The following CNST variants were observed in gnomAD, a reference collection of about 807,000 sequenced individuals.
The protein encoded by CNST is consortin.
A neutral mutation model predicts 72.4 loss-of-function variants in CNST; 39 were observed. The observed-to-expected ratio is 0.54, with a 90% CI of 0.42 to 0.70. The LOEUF (loss-of-function observed/expected upper bound fraction) is 0.70. Among genes scored for constraint, CNST ranks in the 30% least tolerant of loss-of-function variants. The pLI is 0.00. For missense variants in CNST, 871 were observed against 868.5 expected (o/e 1.00, Z -0.04); for synonymous variants, 332 against 320.1 (o/e 1.04, Z -0.40).
chr1:246,648,249 G>C (rs1558590294), intron 9 of CNST: 1 of 1,319,978 alleles, frequency 7.6e-7, no homozygotes, highest in East Asian at 3.1e-5. Flanking sequence ...ACTACAAGAT[G>C]TTCTATTGCA....
intron 10 of CNST, among the ~76,000 whole-genome samples, chr1:246,663,244 C>G (rs1667209265): frequency 6.6e-6 from 1 of 151,168 alleles, no homozygotes; most frequent in African/African-American, 2.4e-5. Context: ...TTGGTCCCAG[C>G]TACTTGGGAG....
chr1:246,663,829 T>A (rs1667241607), intron 10 of CNST, among the ~76,000 whole-genome samples: 1 of 152,222 alleles, frequency 6.6e-6, no homozygotes, highest in East Asian at 1.9e-4. Flanking sequence ...ATCATACGTG[T>A]TTGATCTGAA....
At chr1:246,570,236 T>C (rs139616762) in intron 1 of CNST, among the ~76,000 whole-genome samples, 154 of 152,336 alleles carry the variant, frequency 1.0e-3, no homozygotes, top group African/African-American at 3.4e-3. Flanking sequence ...CAAGTTGTTT[T>C]TGCAACAAGG....
intron 2 of CNST, among the ~76,000 whole-genome samples, chr1:246,615,563 C>A (rs1663631106): frequency 6.6e-6 from 1 of 150,742 alleles, no homozygotes; most frequent in South Asian, 2.1e-4. Context: ...GAGTTCAAAT[C>A]CAGCCTGGGT....
chr1:246,634,732 T>C (rs573403991), intron 6 of CNST, 145 bp downstream of exon 6: 1 of 600,164 alleles, frequency 1.7e-6, no homozygotes, highest in Non-Finnish European at 2.9e-6. Flanking sequence ...GCTCTAGTAT[T>C]GGTTCGAACC....
At chr1:246,635,206 T>C (rs1312932100) in intron 6 of CNST, among the ~76,000 whole-genome samples, 1 of 151,846 alleles carries the variant, frequency 6.6e-6, no homozygotes, top group African/African-American at 2.4e-5. Context: ...CGTGGGCACC[T>C]CGGAAAAAAA....
intron 2 of CNST, among the ~76,000 whole-genome samples, chr1:246,620,739 C>T (rs565384345): frequency 2.3e-5 from 3 of 128,520 alleles, no homozygotes; most frequent in African/African-American, 8.5e-5. Context: ...GCTCTGGGAA[C>T]ACTACAGGGA....
rs577452213 is a variant in CNST at position 246,658,289 on chromosome 1, A to G, written c.1837-1910A>G. ...GACTGTTTCCCTCTCAGTGTCAGCA[A>G]GGTGCTTATAAAACCTGTTTTCTCT... On this transcript the variant is annotated intron_variant, in intron 9 of 10. Transcript: ENST00000366513. Among the ~76,000 whole-genome samples the G allele has an allele frequency of 1.9e-4, 29 of 152,316 alleles. No homozygotes were observed. In the South Asian group the frequency reaches 5.8e-3, roughly 30 times the overall value.
rs1284250168 is a variant in CNST at position 246,591,621 on chromosome 1, A to G, written c.59A>G (p.His20Arg). The change falls in exon 2 of 11, where the codon CAT becomes CGT. Residue 20 changes from histidine (H) to arginine (R), a missense_variant. Physicochemically the swap from His to Arg is conservative, Grantham distance 29 (BLOSUM62 0). Transcript: ENST00000366513. ...YLQIEPQDGCHPGDSVERSVT... is the reference protein window; with the variant it reads ...YLQIEPQDGCRPGDSVERSVT... ...CAAATAGAACCACAAGATGGATGTC[A>G]TCCTGGTGACAGCGTGGAAAGGAGT... 6.2e-7 allele frequency: 1 copy of G among 1,614,166 alleles called. No individual in the cohort carries two copies.
At chr1:246,633,326 G>A (rs1664898302) in intron 4 of CNST, among the ~76,000 whole-genome samples, 1 of 152,066 alleles carries the variant, frequency 6.6e-6, no homozygotes, top group South Asian at 2.1e-4. Flanking sequence ...GTGCATGCCT[G>A]TAATCCCAGC....
intron 3 of CNST, among the ~76,000 whole-genome samples, chr1:246,622,808 T>TTATTG (rs1190546571): frequency 1.3e-5 from 2 of 152,080 alleles, no homozygotes; most frequent in Admixed American, 6.6e-5. Context: ...ATCTTATTTT[T>TTATTG]TATTGTATTG....
intron 9 of CNST, chr1:246,648,293 T>A (rs1308938044): frequency 1.8e-6 from 2 of 1,110,972 alleles, no homozygotes; most frequent in Non-Finnish European, 2.2e-6. Context: ...ATTGTATATA[T>A]CCATTTTTTA....
At chr1:246,654,347 G>T (rs1666654965) in intron 9 of CNST, among the ~76,000 whole-genome samples, 2 of 152,146 alleles carry the variant, frequency 1.3e-5, no homozygotes, top group South Asian at 4.1e-4. Context: ...CCACATCTAG[G>T]TCATGGCTTT....
At chr1:246,630,671 C>T (rs945179399) in intron 3 of CNST, among the ~76,000 whole-genome samples, 6 of 151,452 alleles carry the variant, frequency 4.0e-5, no homozygotes, top group African/African-American at 1.5e-4. Context: ...ACCTGGAAAA[C>T]GGAGATAGTG....
chr1:246,580,052 C>A (rs1376841230), intron 1 of CNST, among the ~76,000 whole-genome samples: 1 of 152,184 alleles, frequency 6.6e-6, no homozygotes. Context: ...TGTCTTATCT[C>A]TAGTCTTAGT....
intron 2 of CNST, among the ~76,000 whole-genome samples, chr1:246,603,991 A>C (rs1245608782): frequency 6.6e-6 from 1 of 152,216 alleles, no homozygotes; most frequent in Admixed American, 6.5e-5. Flanking sequence ...TGGGAGGCCT[A>C]GGCGGGTGGA....
intron 1 of CNST, 148 bp from the exon 2 acceptor site, chr1:246,591,364 T>A: frequency 1.7e-6 from 1 of 601,550 alleles, no homozygotes; most frequent in Admixed American, 3.1e-5. Flanking sequence ...GGGGTTGGGT[T>A]GCATATGGTG....
At chr1:246,616,473 G>A (rs1291331420) in intron 2 of CNST, among the ~76,000 whole-genome samples, 1 of 152,126 alleles carries the variant, frequency 6.6e-6, no homozygotes, top group Non-Finnish European at 1.5e-5. Flanking sequence ...TGGGAGGGTC[G>A]CTTGAGCCTG....
At chr1:246,581,486 C>G (rs1355168625) in intron 1 of CNST, among the ~76,000 whole-genome samples, 1 of 152,208 alleles carries the variant, frequency 6.6e-6, no homozygotes, top group Non-Finnish European at 1.5e-5. Flanking sequence ...TGGTCCCGAA[C>G]TCCTGAGCTC....
Sources: gnomAD v4.1 joint callset for allele counts (sites outside exome capture counted in the v4.1 genomes callset) on GRCh38, gnomAD v4.1.1 for gene constraint, MANE v1.5 for transcripts, NCBI Gene and HGNC (gene_info 2026-07-23, HGNC 2026-07-21) for gene names.